Variants in DNAH14 observed in about 807,000 individuals in gnomAD.
DNAH14 encodes axonemal beta dynein heavy chain 14.
Under a neutral mutation model 520.9 loss-of-function variants are expected in DNAH14, and 478 were observed. That is an observed-to-expected ratio of 0.92 (90% confidence interval 0.85 to 0.99). DNAH14 has a LOEUF of 0.99. DNAH14 is among the 50% of genes least tolerant of loss of function. DNAH14 has a pLI of 0.00. For missense variants in DNAH14, 4,831 were observed against 5,234.5 expected, an observed-to-expected ratio of 0.92 and a Z score of 2.38; for synonymous variants, 1,581 against 1,757.2, an observed-to-expected ratio of 0.90 and a Z score of 2.51.
At position 225,085,746 on chromosome 1, in the gene DNAH14, T is replaced by A. The variant is rs1439023104; in HGVS notation, c.3530T>A (p.Ile1177Lys). The A allele has an allele frequency of 2.6e-6, 4 of 1,551,150 alleles. No individual in the cohort carries two copies. Among genetic ancestry groups the A allele is most frequent in the Non-Finnish European group, 3.5e-6 (4 of 1,146,762 alleles). The stretch of plus-strand genomic sequence containing the variant: ...GCTCAGTTAGAAGAGTCTCAAGTCA[T>A]ACTTGCAACAATTAAAGGATCTCCC... The part of the protein sequence containing the change: ...ISAQLEESQV[I>K]LATIKGSPHI... Residue 1177 changes from isoleucine to lysine, a missense_variant, in exon 21 of 86, where the codon ATA (isoleucine) becomes AAA (lysine). Physicochemically the swap from Ile to Lys is moderately radical, Grantham distance 102. Coordinates refer to ENST00000682510, the MANE Select transcript of DNAH14 (RefSeq NM_001367479.1).
At chr1:225,140,408 G>C (rs60392992) in intron 27 of DNAH14, among the ~76,000 whole-genome samples, 11,085 of 152,222 alleles carry the variant, frequency 0.073, 619 homozygotes, top group East Asian at 0.23. Context: ...CATACTCACT[G>C]TGTTCTAGGT....
At chr1:225,165,368 A>G (rs1352250078) in intron 35 of DNAH14, among the ~76,000 whole-genome samples, 2 of 152,004 alleles carry the variant, frequency 1.3e-5, no homozygotes, top group Non-Finnish European at 2.9e-5. Context: ...CTTTTAATAT[A>G]TACTCTTTTA....
intron 55 of DNAH14, among the ~76,000 whole-genome samples, chr1:225,299,131 C>T (rs529653993): frequency 7.2e-5 from 11 of 152,210 alleles, no homozygotes; most frequent in Non-Finnish European, 1.5e-4. Flanking sequence ...AGCCATCTGG[C>T]CAGTCGCCAG....
At chr1:225,100,971 T>C in intron 23 of DNAH14, 87 bp downstream of exon 23, 1 of 1,103,854 alleles carries the variant, frequency 9.1e-7, no homozygotes, top group Non-Finnish European at 1.2e-6. Flanking sequence ...AGAAGCTAAT[T>C]CCAGTGCAGA....
chr1:225,019,973 C>G (rs1302659871), intron 10 of DNAH14, among the ~76,000 whole-genome samples: 1 of 151,878 alleles, frequency 6.6e-6, no homozygotes, highest in Non-Finnish European at 1.5e-5. Context: ...GAAAACAAAT[C>G]CCAAAGCCAG....
intron 11 of DNAH14, among the ~76,000 whole-genome samples, chr1:225,024,963 A>G (rs545420339): frequency 2.3e-4 from 35 of 152,196 alleles, no homozygotes; most frequent in Admixed American, 2.2e-3. Context: ...ATGTTTTTCC[A>G]TTGTTGTAAT....
At chr1:225,391,253 GA>G (rs2095907846) in intron 83 of DNAH14, among the ~76,000 whole-genome samples, 1 of 152,172 alleles carries the variant, frequency 6.6e-6, no homozygotes, top group African/African-American at 2.4e-5. Flanking sequence ...GCAGCTATAG[GA>G]AGGAAGAAGG....
chr1:225,389,312 G>A (rs1368218954), intron 82 of DNAH14, among the ~76,000 whole-genome samples: 5 of 152,210 alleles, frequency 3.3e-5, no homozygotes, highest in Non-Finnish European at 7.3e-5. Flanking sequence ...GAATATGGAA[G>A]TATTGAGATT....
At chr1:225,157,672 A>G (rs1240195328) in intron 34 of DNAH14, among the ~76,000 whole-genome samples, 2 of 152,090 alleles carry the variant, frequency 1.3e-5, no homozygotes, top group East Asian at 3.8e-4. Context: ...TTCCTTTAAG[A>G]TAAAGCAAGA....
At chr1:225,041,422 T>C (rs903584383) in intron 12 of DNAH14, among the ~76,000 whole-genome samples, 1 of 152,204 alleles carries the variant, frequency 6.6e-6, no homozygotes, top group Middle Eastern at 3.2e-3. Context: ...AATAAAACTA[T>C]TTACTGGTTC....
chr1:225,336,192 G>C lies in DNAH14; in HGVS notation c.10081-1074G>C, dbSNP rs993449070. On this transcript the variant is annotated intron_variant, in intron 66 of 85. Transcript: ENST00000682510. The stretch of plus-strand genomic sequence containing the variant: ...TATAAAGTTATAAGACTATGCAACA[G>C]TATAAACCAAAGCACAAAACAGAAA... Among the ~76,000 whole-genome samples the C allele has an allele frequency of 3.4e-5, 5 of 148,122 alleles. No individual in the cohort carries two copies. The Admixed American group carries it at 3.4e-4, about 10-fold the overall frequency.
intron 74 of DNAH14, 101 bp downstream of exon 74, chr1:225,358,753 A>G: frequency 3.2e-6 from 4 of 1,252,158 alleles, no homozygotes; most frequent in Non-Finnish European, 4.4e-6. Flanking sequence ...CCCACATGTC[A>G]AGGGCGAGAC....
At chr1:225,123,690 A>G (rs1357283589) in intron 27 of DNAH14, 76 bp downstream of exon 27, 1 of 244,780 alleles carries the variant, frequency 4.1e-6, no homozygotes, top group Non-Finnish European at 9.0e-6. Flanking sequence ...AGACCACTGT[A>G]ATAAAGAGGA....
intron 54 of DNAH14, among the ~76,000 whole-genome samples, chr1:225,279,812 T>C (rs1056501080): frequency 2.0e-5 from 3 of 151,862 alleles, no homozygotes; most frequent in African/African-American, 7.2e-5. Context: ...AAGTAGTTAA[T>C]AGGAACTGTC....
At chr1:225,221,868 C>T (rs1448576024) in intron 41 of DNAH14, among the ~76,000 whole-genome samples, 3 of 152,176 alleles carry the variant, frequency 2.0e-5, no homozygotes, top group African/African-American at 7.2e-5. Flanking sequence ...GACCTTTGAT[C>T]GTTTGCACAC....
chr1:225,074,124 C>G (rs558202336), intron 17 of DNAH14, among the ~76,000 whole-genome samples: 1 of 149,118 alleles, frequency 6.7e-6, no homozygotes, highest in Admixed American at 6.8e-5. Flanking sequence ...CTCAGCCTCC[C>G]AAGTAGCTGG....
At chr1:225,210,939 C>T (rs1478212123) in intron 41 of DNAH14, among the ~76,000 whole-genome samples, 2 of 152,164 alleles carry the variant, frequency 1.3e-5, no homozygotes, top group South Asian at 4.1e-4. Flanking sequence ...AACTAACAAA[C>T]AGAAAGGAAG....
intron 9 of DNAH14, 52 bp from the exon 10 acceptor site, chr1:225,007,361 T>A (rs2064257863): frequency 7.3e-7 from 1 of 1,378,724 alleles, no homozygotes; most frequent in Non-Finnish European, 9.5e-7. Context: ...TTATCTTTTT[T>A]AAATATGAAT....
rs1459352085 is a variant in DNAH14 at position 225,336,145 on chromosome 1, C to T, written c.10081-1121C>T. 8.0e-5 allele frequency among the ~76,000 whole-genome samples: 12 copies of T among 149,194 alleles called. No homozygotes were observed. In the South Asian group the frequency reaches 2.5e-3, roughly 32 times the overall value. ...TATGTATGTGTATATGTAGACAGACCTCAAGCAACCTCATATATATATATA... is the reference window on the plus strand; with the variant it reads ...TATGTATGTGTATATGTAGACAGACTTCAAGCAACCTCATATATATATATA... On this transcript the variant is annotated intron_variant, in intron 66 of 85. Transcript: ENST00000682510.
Sources: gnomAD v4.1 joint callset for allele counts (sites outside exome capture counted in the v4.1 genomes callset) on GRCh38, gnomAD v4.1.1 for gene constraint, MANE v1.5 for transcripts, NCBI Gene and HGNC (gene_info 2026-07-23, HGNC 2026-07-21) for gene names.